Variants in PTPRT observed in about 807,000 individuals in gnomAD.
The protein encoded by PTPRT is receptor-type tyrosine-protein phosphatase T.
PTPRT carries 56 observed loss-of-function variants against 176.8 expected under a neutral mutation model. The observed-to-expected ratio is 0.32, with a 90% CI of 0.26 to 0.40. The LOEUF is 0.40. Ranked by LOEUF, PTPRT falls within the 10% of genes least tolerant of loss-of-function variation. The pLI is 1.00. For missense variants in PTPRT, 1,540 were observed against 1,908.2 expected (o/e 0.81, Z 3.60); for synonymous variants, 783 against 739.0 (o/e 1.06, Z -0.96).
intron 19 of PTPRT, among the ~76,000 whole-genome samples, chr20:42,120,477 G>A (rs1987531541): frequency 6.6e-6 from 1 of 152,218 alleles, no homozygotes. Flanking sequence ...GCTTCTCTAT[G>A]CCAACATTCC....
chr20:43,073,616 T>C (rs1462888319), intron 1 of PTPRT, among the ~76,000 whole-genome samples: 2 of 151,638 alleles, frequency 1.3e-5, no homozygotes, highest in Non-Finnish European at 2.9e-5. Context: ...TTACTTTCAA[T>C]GGTAAAAACC....
At chr20:42,898,564 C>T (rs995826282) in intron 1 of PTPRT, among the ~76,000 whole-genome samples, 1 of 152,094 alleles carries the variant, frequency 6.6e-6, no homozygotes, top group Non-Finnish European at 1.5e-5. Context: ...CTTCATGGTA[C>T]CTAGCTACAT....
chr20:42,768,782 T>C (rs2077021855), intron 5 of PTPRT, among the ~76,000 whole-genome samples: 1 of 152,242 alleles, frequency 6.6e-6, no homozygotes, highest in Non-Finnish European at 1.5e-5. Context: ...AGATTTGGTT[T>C]ACATTGAAAA....
chr20:43,107,414 AG>A (rs2012663968), intron 1 of PTPRT, among the ~76,000 whole-genome samples: 2 of 152,248 alleles, frequency 1.3e-5, no homozygotes, highest in South Asian at 4.1e-4. Context: ...CATAAAGTAA[AG>A]TGGCAATACA....
chr20:42,759,437 G>A (rs535851761), intron 5 of PTPRT, among the ~76,000 whole-genome samples: 21 of 152,290 alleles, frequency 1.4e-4, no homozygotes, highest in African/African-American at 3.6e-4. Flanking sequence ...AGGCTGAGGC[G>A]GGCAGATCAC....
intron 2 of PTPRT, among the ~76,000 whole-genome samples, chr20:42,869,171 C>CA (rs1326775402): frequency 6.6e-6 from 1 of 152,136 alleles, no homozygotes; most frequent in East Asian, 1.9e-4. Context: ...TCCCTGGAGA[C>CA]ATGGGAATTC....
At chr20:42,462,393 C>G (rs1028287455) in intron 8 of PTPRT, among the ~76,000 whole-genome samples, 7 of 152,128 alleles carry the variant, frequency 4.6e-5, no homozygotes, top group African/African-American at 1.7e-4. Flanking sequence ...AAGGAAAGAC[C>G]TAGCACAGGC....
intron 7 of PTPRT, among the ~76,000 whole-genome samples, chr20:42,659,805 T>TA (rs1247859779): frequency 6.6e-6 from 1 of 152,118 alleles, no homozygotes; most frequent in African/African-American, 2.4e-5. Flanking sequence ...AACCTTCAAA[T>TA]AAAAAAAATT....
intron 1 of PTPRT, among the ~76,000 whole-genome samples, chr20:42,916,746 G>T (rs1028631452): frequency 6.6e-6 from 1 of 151,756 alleles, no homozygotes; most frequent in Non-Finnish European, 1.5e-5. Context: ...TGTTTTTTTT[G>T]ATTGCATAAA....
intron 1 of PTPRT, among the ~76,000 whole-genome samples, chr20:42,938,026 G>C (rs1463577853): frequency 6.6e-6 from 1 of 152,088 alleles, no homozygotes; most frequent in Admixed American, 6.5e-5. Context: ...ATGTGTTAAA[G>C]ATTTTATCAT....
At chr20:42,224,977 C>A (rs1317515073) in intron 15 of PTPRT, among the ~76,000 whole-genome samples, 2 of 152,160 alleles carry the variant, frequency 1.3e-5, no homozygotes, top group African/African-American at 4.8e-5. Flanking sequence ...TCAACCCCAG[C>A]TCTTTCTCTG....
intron 18 of PTPRT, among the ~76,000 whole-genome samples, chr20:42,129,882 G>C (rs1280013973): frequency 6.6e-6 from 1 of 152,158 alleles, no homozygotes; most frequent in African/African-American, 2.4e-5. Context: ...TCCATCCCCT[G>C]CACCTTTAAA....
chr20:42,183,209 T>C (rs1023167742), intron 16 of PTPRT, among the ~76,000 whole-genome samples: 4 of 152,156 alleles, frequency 2.6e-5, no homozygotes, highest in Admixed American at 2.0e-4. Context: ...TTCAGGTTCA[T>C]CTTTTACCAC....
intron 1 of PTPRT, among the ~76,000 whole-genome samples, chr20:43,114,391 C>A (rs952518831): frequency 1.3e-5 from 2 of 152,074 alleles, no homozygotes; most frequent in African/African-American, 4.8e-5. Context: ...CCTTTTTGTA[C>A]CCCAGTTTTC....
chr20:42,523,494 A>C (rs559207215), intron 7 of PTPRT, among the ~76,000 whole-genome samples: 2 of 152,154 alleles, frequency 1.3e-5, no homozygotes, highest in Non-Finnish European at 2.9e-5. Flanking sequence ...GGTGTTTTGT[A>C]AATATTGTTC....
rs73102429 is a variant in PTPRT, at chr20:42,541,884, A to T, written c.1154-69322T>A. The stretch of plus-strand genomic sequence containing the variant: ...TCTGTGTGGCTAAAATTACTGTAAA[A>T]CTAAGTGATACGGTTTGGCTGTGTC... On this transcript the variant is annotated intron_variant, in intron 7 of 30. Coordinates refer to ENST00000373187, the MANE Select transcript of PTPRT (RefSeq NM_007050.6). Among the ~76,000 whole-genome samples the T allele has an allele frequency of 9.4e-3, 1,418 of 151,024 alleles. 17 individuals are homozygous for T. The highest frequency in any genetic ancestry group is 0.013 in the Non-Finnish European group (882 of 67,700).
chr20:42,945,328 A>G (rs1980812989), intron 1 of PTPRT, among the ~76,000 whole-genome samples: 1 of 152,182 alleles, frequency 6.6e-6, no homozygotes, highest in South Asian at 2.1e-4. Flanking sequence ...CAGCTGTTTG[A>G]CTTGTGCCAC....
intron 14 of PTPRT, among the ~76,000 whole-genome samples, chr20:42,245,484 C>T (rs942841229): frequency 2.6e-5 from 4 of 152,156 alleles, no homozygotes; most frequent in South Asian, 2.1e-4. Flanking sequence ...TCCCTCCCCC[C>T]GTTACAAAAC....
chr20:42,136,217 G>A (rs150351621), intron 18 of PTPRT, among the ~76,000 whole-genome samples: 4 of 144,896 alleles, frequency 2.8e-5, no homozygotes, highest in African/African-American at 1.0e-4. Context: ...GCACTACAGA[G>A]GGTAAAGAAC....
Sources: allele counts gnomAD v4.1 joint callset (sites outside exome capture counted in the v4.1 genomes callset), GRCh38; gene constraint gnomAD v4.1.1; transcripts MANE v1.5; gene names NCBI Gene and HGNC (gene_info 2026-07-23, HGNC 2026-07-21).